GABRG3: variants seen among roughly 807,000 people sequenced by gnomAD.
GABRG3 encodes gamma-aminobutyric acid receptor subunit gamma-3.
GABRG3 carries 25 observed loss-of-function variants against 48.8 expected under a neutral mutation model. That is an observed-to-expected ratio of 0.51 (90% CI 0.37 to 0.72). GABRG3 has a LOEUF of 0.72. Among genes scored for constraint, GABRG3 ranks in the 30% least tolerant of loss-of-function variants. GABRG3 has a pLI of 0.00. For missense variants in GABRG3, 394 were observed against 577.9 expected, an observed-to-expected ratio of 0.68 and a Z score of 3.26; for synonymous variants, 227 against 217.6, an observed-to-expected ratio of 1.04 and a Z score of -0.38.
chr15:27,062,090 A>G lies in GABRG3; in HGVS notation c.270+35269A>G, dbSNP rs150851187. On this transcript the variant is annotated intron_variant, in intron 3 of 9. Coordinates refer to ENST00000615808, the MANE Select transcript of GABRG3 (RefSeq NM_033223.5). ...TTCCGGGCAACTGGCGGCAGCTGTC[A>G]TGTTCTCTGAGTCTTCCTGTCCCAT... Among the ~76,000 whole-genome samples, 118 of 152,242 alleles carry G rather than the reference A, an allele frequency of 7.8e-4. 2 individuals carry two copies. In the East Asian group the frequency reaches 0.021, roughly 27 times the overall value.
intron 5 of GABRG3, among the ~76,000 whole-genome samples, chr15:27,419,527 G>A (rs759950228): frequency 2.6e-5 from 4 of 152,134 alleles, no homozygotes; most frequent in Admixed American, 6.5e-5. Flanking sequence ...GGAAATACAA[G>A]TTGCTGTTAC....
intron 2 of GABRG3, among the ~76,000 whole-genome samples, chr15:27,003,157 TA>T (rs1326079318): frequency 1.3e-4 from 20 of 150,578 alleles, no homozygotes; most frequent in Non-Finnish European, 1.5e-5. Context: ...AAATAGTTTT[TA>T]TTTTTTTATT....
chr15:27,483,951 T>G (rs1017695737), intron 6 of GABRG3, among the ~76,000 whole-genome samples: 2 of 152,198 alleles, frequency 1.3e-5, no homozygotes, highest in African/African-American at 2.4e-5. Context: ...TTCTTTTTTT[T>G]GAGACGGAGT....
At chr15:27,243,379 A>G (rs1056201410) in intron 3 of GABRG3, among the ~76,000 whole-genome samples, 2 of 152,064 alleles carry the variant, frequency 1.3e-5, no homozygotes, top group Non-Finnish European at 2.9e-5. Flanking sequence ...CAGAGACTCA[A>G]ATGTAGGCAG....
intron 3 of GABRG3, among the ~76,000 whole-genome samples, chr15:27,210,434 T>C (rs1294922732): frequency 6.6e-6 from 1 of 152,246 alleles, no homozygotes; most frequent in African/African-American, 2.4e-5. Flanking sequence ...GGCTTTGAGC[T>C]GCCTGCCGTG....
At chr15:27,308,438 T>A (rs1481438760) in intron 3 of GABRG3, among the ~76,000 whole-genome samples, 1 of 144,442 alleles carries the variant, frequency 6.9e-6, no homozygotes, top group East Asian at 2.1e-4. Context: ...CATACCTGTT[T>A]ATATAAACAT....
At chr15:27,036,595 CAGG>C (rs1566915999) in intron 3 of GABRG3, among the ~76,000 whole-genome samples, 1 of 151,976 alleles carries the variant, frequency 6.6e-6, no homozygotes, top group East Asian at 1.9e-4. Context: ...GAGGCTGAGG[CAGG>C]AGAATCGCTT....
At chr15:27,339,708 G>T (rs1283390217) in intron 5 of GABRG3, among the ~76,000 whole-genome samples, 2 of 152,160 alleles carry the variant, frequency 1.3e-5, no homozygotes, top group Non-Finnish European at 1.5e-5. Context: ...GGATTGCGCT[G>T]GTTCCTTTTG....
chr15:27,286,953 T>A (rs1252060102), intron 3 of GABRG3, among the ~76,000 whole-genome samples: 1 of 152,180 alleles, frequency 6.6e-6, no homozygotes, highest in Non-Finnish European at 1.5e-5. Context: ...ACTGAAGTGA[T>A]CCGTGGCTCC....
intron 3 of GABRG3, among the ~76,000 whole-genome samples, chr15:27,084,801 A>C (rs1897048929): frequency 6.6e-6 from 1 of 152,200 alleles, no homozygotes; most frequent in African/African-American, 2.4e-5. Context: ...CCAGGAGGCC[A>C]GGGTCTCCAG....
chr15:27,271,215 G>A (rs1048869075), intron 3 of GABRG3, among the ~76,000 whole-genome samples: 6 of 152,204 alleles, frequency 3.9e-5, no homozygotes, highest in African/African-American at 1.2e-4. Context: ...TGTTCCACAA[G>A]TGAGTGCTCC....
At chr15:27,027,563 A>T (rs1033591522) in intron 3 of GABRG3, among the ~76,000 whole-genome samples, 3 of 152,188 alleles carry the variant, frequency 2.0e-5, no homozygotes, top group African/African-American at 7.2e-5. Flanking sequence ...TGTTCTGTGG[A>T]TGGAAATAAC....
At chr15:27,419,346 C>G (rs1888040515) in intron 5 of GABRG3, among the ~76,000 whole-genome samples, 1 of 152,118 alleles carries the variant, frequency 6.6e-6, no homozygotes, top group South Asian at 2.1e-4. Flanking sequence ...TTTGGTTCTT[C>G]TAACTTTTTT....
chr15:27,335,157 G>A (rs67744251), intron 5 of GABRG3, among the ~76,000 whole-genome samples: 11,263 of 151,944 alleles, frequency 0.074, 882 homozygotes, highest in African/African-American at 0.2. Flanking sequence ...TATACCCATT[G>A]GTAGACAAGA....
intron 3 of GABRG3, among the ~76,000 whole-genome samples, chr15:27,212,654 G>A (rs570181531): frequency 1.2e-4 from 19 of 152,234 alleles, no homozygotes; most frequent in Admixed American, 5.2e-4. Flanking sequence ...TCGTACAACC[G>A]TCACCACCGC....
chr15:27,297,809 G>A (rs182813067), intron 3 of GABRG3, among the ~76,000 whole-genome samples: 17 of 152,162 alleles, frequency 1.1e-4, no homozygotes. Flanking sequence ...ACATATGTAA[G>A]TTTTATACTA....
At chr15:27,508,936 C>G (rs910039808) in intron 6 of GABRG3, among the ~76,000 whole-genome samples, 2 of 152,076 alleles carry the variant, frequency 1.3e-5, no homozygotes, top group Non-Finnish European at 2.9e-5. Context: ...AGCCGGGATG[C>G]TTTCAATCTC....
intron 3 of GABRG3, among the ~76,000 whole-genome samples, chr15:27,229,130 C>A (rs1233733139): frequency 6.6e-6 from 1 of 152,090 alleles, no homozygotes; most frequent in East Asian, 1.9e-4. Context: ...TTGTCACGAA[C>A]TTTTTGCCCG....
At chr15:27,104,459 T>A (rs1231126105) in intron 3 of GABRG3, among the ~76,000 whole-genome samples, 5 of 152,190 alleles carry the variant, frequency 3.3e-5, no homozygotes, top group African/African-American at 1.2e-4. Flanking sequence ...TATTGGTTGG[T>A]TTGTTGTAGT....
Sources: allele counts gnomAD v4.1 joint callset (sites outside exome capture counted in the v4.1 genomes callset), GRCh38; gene constraint gnomAD v4.1.1; transcripts MANE v1.5; gene names NCBI Gene and HGNC (gene_info 2026-07-23, HGNC 2026-07-21).